CNBD1: variants seen among roughly 807,000 people sequenced by gnomAD.
CNBD1 encodes the protein cyclic nucleotide binding domain containing 1.
A neutral mutation model predicts 54.4 loss-of-function variants in CNBD1; 71 were observed. The observed-to-expected ratio is 1.30, with a 90% CI of 1.08 to 1.59. The LOEUF is 1.59. CNBD1 is among the 40% of genes most tolerant of loss of function. The pLI, the probability that CNBD1 is intolerant of heterozygous loss-of-function variation, is 0.00. For missense variants in CNBD1, 659 were observed against 518.0 expected (o/e 1.27, Z -2.64); for synonymous variants, 182 against 170.7 (o/e 1.07, Z -0.51).
intron 3 of CNBD1, among the ~76,000 whole-genome samples, chr8:86,929,211 A>G (rs1809416443): frequency 6.6e-6 from 1 of 152,210 alleles, no homozygotes; most frequent in Non-Finnish European, 1.5e-5. Context: ...CAATAACTCC[A>G]TGATTTCTTT....
chr8:87,008,575 C>T (rs1416083671), intron 4 of CNBD1, among the ~76,000 whole-genome samples: 2 of 152,150 alleles, frequency 1.3e-5, no homozygotes. Flanking sequence ...TATATCCTTG[C>T]ATCTAAGTCC....
chr8:87,077,975 C>CT (rs1431359993), intron 4 of CNBD1, among the ~76,000 whole-genome samples: 1 of 152,074 alleles, frequency 6.6e-6, no homozygotes, highest in Non-Finnish European at 1.5e-5. Flanking sequence ...TAAAAGGACA[C>CT]TAATCCCATT....
At chr8:87,381,921 C>T (rs1435732793) in intron 10 of CNBD1, among the ~76,000 whole-genome samples, 1 of 151,802 alleles carries the variant, frequency 6.6e-6, no homozygotes, top group Non-Finnish European at 1.5e-5. Flanking sequence ...TATGGATCTG[C>T]TGTACAACAT....
intron 4 of CNBD1, among the ~76,000 whole-genome samples, chr8:86,940,090 C>T (rs1406137774): frequency 6.7e-6 from 1 of 149,038 alleles, no homozygotes; most frequent in East Asian, 2.0e-4. Flanking sequence ...CACAAACTGT[C>T]TTCCTCATCC....
intron 6 of CNBD1, among the ~76,000 whole-genome samples, chr8:87,254,078 C>G (rs960979971): frequency 6.6e-6 from 1 of 152,116 alleles, no homozygotes; most frequent in African/African-American, 2.4e-5. Context: ...ATGTGACTGG[C>G]ATTACAGAAA....
chr8:86,962,720 A>G (rs1211348162), intron 4 of CNBD1, among the ~76,000 whole-genome samples: 2 of 151,988 alleles, frequency 1.3e-5, no homozygotes, highest in Non-Finnish European at 2.9e-5. Context: ...TGGGAGGAAG[A>G]GCTTGCAGTG....
Position 86,876,326 on chromosome 8 carries a change from TA to T in CNBD1, c.88+9749del, listed in dbSNP as rs533406756. ...AAATATAAGTAATATACATTTTCCT[TA>T]AAAAATCATTTTTGTTTAGTTTCAG... On this transcript the variant is annotated intron_variant, in intron 1 of 10. Transcript: ENST00000518476. Among the ~76,000 whole-genome samples the T allele has an allele frequency of 9.3e-4, 141 of 152,148 alleles. 2 individuals are homozygous for T. The highest frequency in any genetic ancestry group is 3.1e-3 in the African/African-American group (129 of 41,548).
At chr8:87,171,641 T>C (rs1263168488) in intron 4 of CNBD1, among the ~76,000 whole-genome samples, 1 of 151,090 alleles carries the variant, frequency 6.6e-6, no homozygotes, top group Non-Finnish European at 1.5e-5. Flanking sequence ...TTTTTCTTTC[T>C]TTTTTTTTCT....
intron 8 of CNBD1, among the ~76,000 whole-genome samples, chr8:87,334,507 G>A (rs895246969): frequency 1.3e-5 from 2 of 151,828 alleles, no homozygotes; most frequent in Non-Finnish European, 2.9e-5. Context: ...TTTCCGATGT[G>A]GGCATTTAGT....
chr8:87,401,405 C>A (rs1168398893), intron 2 of CNBD1, among the ~76,000 whole-genome samples: 2 of 152,048 alleles, frequency 1.3e-5, no homozygotes, highest in Non-Finnish European at 2.9e-5. Flanking sequence ...CAAAAGTTAA[C>A]CACAGATGCT....
chr8:86,932,036 C>A (rs576260258), intron 3 of CNBD1, among the ~76,000 whole-genome samples: 1 of 152,238 alleles, frequency 6.6e-6, no homozygotes, highest in Admixed American at 6.5e-5. Context: ...GCTTGCTGAC[C>A]AGTAGGGAGT....
At chr8:87,151,251 C>T (rs780403083) in intron 4 of CNBD1, among the ~76,000 whole-genome samples, 14 of 152,140 alleles carry the variant, frequency 9.2e-5, no homozygotes, top group Non-Finnish European at 1.9e-4. Context: ...GGGGTGCGTA[C>T]ATATTCATTC....
chr8:87,176,625 C>T (rs919831801), intron 4 of CNBD1, among the ~76,000 whole-genome samples: 1 of 151,182 alleles, frequency 6.6e-6, no homozygotes, highest in Non-Finnish European at 1.5e-5. Context: ...GCTGGGATTA[C>T]AGGCGTGGCC....
At chr8:87,025,578 A>C (rs1027388851) in intron 4 of CNBD1, among the ~76,000 whole-genome samples, 20 of 151,972 alleles carry the variant, frequency 1.3e-4, no homozygotes, top group Middle Eastern at 3.2e-3. Context: ...AGGTGGAACA[A>C]ACAAGTCTGG....
At chr8:86,888,903 A>G (rs1437679662) in intron 2 of CNBD1, among the ~76,000 whole-genome samples, 6 of 152,144 alleles carry the variant, frequency 3.9e-5, no homozygotes, top group Middle Eastern at 3.4e-3. Flanking sequence ...AGCTTGAATC[A>G]TCTAGAGCTA....
chr8:87,382,190 T>C (rs1211703345), intron 10 of CNBD1, among the ~76,000 whole-genome samples: 1 of 151,972 alleles, frequency 6.6e-6, no homozygotes, highest in Non-Finnish European at 1.5e-5. Flanking sequence ...AATATAGCTC[T>C]GTTCAGCATT....
chr8:87,401,520 T>C lies in CNBD1; in HGVS notation c.214-27026T>C, dbSNP rs1807563767. Among the ~76,000 whole-genome samples the C allele has an allele frequency of 2.0e-5, 3 of 152,080 alleles. No individual in the cohort carries two copies. The South Asian group carries it at 6.2e-4, about 31-fold the overall frequency. ...CAATAGGATATGTGTTCTGTGCTAATGAACATTATGCATTGTTTATCTTTC... is the reference window on the plus strand; with the variant it reads ...CAATAGGATATGTGTTCTGTGCTAACGAACATTATGCATTGTTTATCTTTC... On this transcript the variant is annotated intron_variant, in intron 2 of 7. Transcript: ENST00000521593.
intron 6 of CNBD1, among the ~76,000 whole-genome samples, chr8:87,276,425 G>A (rs916261275): frequency 9.9e-5 from 15 of 151,916 alleles, no homozygotes; most frequent in African/African-American, 3.4e-4. Context: ...TATGAGAAAA[G>A]GCTTGGATGC....
chr8:87,354,080 C>T (rs2130930230), intron 10 of CNBD1, among the ~76,000 whole-genome samples: 1 of 152,160 alleles, frequency 6.6e-6, no homozygotes, highest in Admixed American at 6.5e-5. Flanking sequence ...TCTCCTGGTC[C>T]TCCAGGACCA....
Sources: gnomAD v4.1 joint callset for allele counts (sites outside exome capture counted in the v4.1 genomes callset) on GRCh38, gnomAD v4.1.1 for gene constraint, MANE v1.5 for transcripts, NCBI Gene and HGNC (gene_info 2026-07-23, HGNC 2026-07-21) for gene names.